The following ASB3 variants were observed in gnomAD, a reference collection of about 807,000 sequenced individuals.
The protein encoded by ASB3 is ankyrin repeat and SOCS box containing 3, also known as ankyrin repeat and SOCS box protein 3.
In ASB3, 41 loss-of-function variants were observed where a neutral mutation model predicts 54.5. The ratio of observed to expected loss-of-function variants is 0.75; its 90% CI spans 0.59 to 0.98. The LOEUF is 0.98. Ranked by LOEUF, ASB3 falls within the 50% of genes least tolerant of loss-of-function variation. ASB3 has a pLI of 0.00. For synonymous variants in ASB3, 266 were observed against 221.2 expected, an observed-to-expected ratio of 1.20 and a Z score of -1.80; for missense variants, 733 against 620.0, an observed-to-expected ratio of 1.18 and a Z score of -1.94.
intron 8 of ASB3, among the ~76,000 whole-genome samples, chr2:53,699,836 A>G (rs1669387325): frequency 6.6e-6 from 1 of 152,190 alleles, no homozygotes; most frequent in Admixed American, 6.6e-5. Context: ...AGTCTCAGAT[A>G]CTTCAGAAAT....
chr2:53,780,341 A>C (rs979904646), intron 1 of ASB3, among the ~76,000 whole-genome samples: 1 of 152,186 alleles, frequency 6.6e-6, no homozygotes, highest in Non-Finnish European at 1.5e-5. Flanking sequence ...CAAATGAGCG[A>C]ACTAATGTTA....
chr2:53,779,628 A>T (rs1345376810), intron 1 of ASB3, among the ~76,000 whole-genome samples: 3 of 151,896 alleles, frequency 2.0e-5, no homozygotes, highest in African/African-American at 7.3e-5. Flanking sequence ...GTAGAGATGG[A>T]GTTTCACCAT....
chr2:53,774,691 AAATT>A (rs1674211933), intron 1 of ASB3: 1 of 523,576 alleles, frequency 1.9e-6, no homozygotes. Flanking sequence ...AGTGAAAGAA[AAATT>A]CAAATTTTAA....
rs897359707 is a variant in ASB3 at position 53,758,314 on chromosome 2, G to A, written c.196+7063C>T. 7.8e-4 allele frequency among the ~76,000 whole-genome samples: 119 copies of A among 152,282 alleles called. 1 individual carries two copies. The highest frequency in any genetic ancestry group is 2.6e-3 in the African/African-American group (109 of 41,558). ...GGATCCATCTCTCAAATTTCATACC[G>A]GCAAGGACTTAATCCGGGGCAACAA... On this transcript the variant is annotated intron_variant, in intron 2 of 9. Transcript: ENST00000263634.
chr2:53,766,178 T>C (rs1408071515), intron 1 of ASB3, among the ~76,000 whole-genome samples: 1 of 152,172 alleles, frequency 6.6e-6, no homozygotes, highest in Non-Finnish European at 1.5e-5. Flanking sequence ...ATAGACCCAC[T>C]GACTGAGCAT....
At chr2:53,679,567 C>T (rs1018497245) in intron 9 of ASB3, among the ~76,000 whole-genome samples, 5 of 152,138 alleles carry the variant, frequency 3.3e-5, no homozygotes, top group African/African-American at 9.7e-5. Flanking sequence ...ACAAATTATC[C>T]CTTTTATCTC....
intron 7 of ASB3, among the ~76,000 whole-genome samples, chr2:53,711,127 C>T (rs902607731): frequency 1.3e-5 from 2 of 152,152 alleles, no homozygotes; most frequent in Admixed American, 1.3e-4. Flanking sequence ...GAGATCCTGT[C>T]TCAAAAACAA....
chr2:53,758,012 G>A (rs1231049422), intron 2 of ASB3, among the ~76,000 whole-genome samples: 2 of 151,982 alleles, frequency 1.3e-5, no homozygotes, highest in Non-Finnish European at 2.9e-5. Context: ...AGAAGAGACA[G>A]AGAGAGAGAG....
chr2:53,712,104 A>C (rs1670132335), intron 7 of ASB3, among the ~76,000 whole-genome samples: 1 of 152,146 alleles, frequency 6.6e-6, no homozygotes, highest in Admixed American at 6.5e-5. Flanking sequence ...AAAGAAAAAA[A>C]ATCATTTATA....
intron 7 of ASB3, among the ~76,000 whole-genome samples, chr2:53,708,181 G>T (rs887184225): frequency 2.6e-5 from 4 of 151,974 alleles, no homozygotes; most frequent in African/African-American, 9.7e-5. Context: ...CATCCCCCTC[G>T]GTAGTGTCCT....
At chr2:53,774,750 C>T (rs927201585) in intron 1 of ASB3, 9 of 378,576 alleles carry the variant, frequency 2.4e-5, no homozygotes, top group Non-Finnish European at 3.7e-5. Context: ...CACTTACTCA[C>T]TAGAAGTGAG....
chr2:53,713,594 A>G (rs1408234181), intron 7 of ASB3, among the ~76,000 whole-genome samples: 1 of 152,208 alleles, frequency 6.6e-6, no homozygotes, highest in Non-Finnish European at 1.5e-5. Context: ...GCGTTTAAAA[A>G]CTTAATTATT....
chr2:53,741,391 A>G (rs1671927221), intron 3 of ASB3, among the ~76,000 whole-genome samples: 1 of 152,264 alleles, frequency 6.6e-6, no homozygotes, highest in South Asian at 2.1e-4. Flanking sequence ...TCAGTCCTCA[A>G]CAAGGTAAGA....
chr2:53,785,529 C>G (rs376562075), intron 1 of ASB3, among the ~76,000 whole-genome samples: 92 of 152,254 alleles, frequency 6.0e-4, no homozygotes, highest in South Asian at 2.1e-3. Context: ...AGACAGAAAC[C>G]CATTTATTTG....
At chr2:53,712,492 TATTTAAGATCTTTCCC>T (rs1466113685) in intron 7 of ASB3, among the ~76,000 whole-genome samples, 1 of 152,214 alleles carries the variant, frequency 6.6e-6, no homozygotes, top group Non-Finnish European at 1.5e-5. Flanking sequence ...TCCAGAAACC[TATTTAAGATCTTTCCC>T]ACCTAATTTC....
chr2:53,684,803 A>G (rs186906375), intron 9 of ASB3, among the ~76,000 whole-genome samples: 1 of 152,348 alleles, frequency 6.6e-6, no homozygotes, highest in African/African-American at 2.4e-5. Context: ...TAGGAAACCT[A>G]ATGAGACCCT....
chr2:53,757,201 C>T (rs1372286911), intron 2 of ASB3, among the ~76,000 whole-genome samples: 2 of 152,226 alleles, frequency 1.3e-5, no homozygotes, highest in Admixed American at 1.3e-4. Context: ...AAATACCGGG[C>T]ACCTGTCAGC....
At chr2:53,681,956 G>A (rs1238710473) in intron 9 of ASB3, among the ~76,000 whole-genome samples, 3 of 151,844 alleles carry the variant, frequency 2.0e-5, no homozygotes, top group Non-Finnish European at 4.4e-5. Context: ...TCAGGAGTTC[G>A]AGACCAGCCT....
intron 5 of ASB3, among the ~76,000 whole-genome samples, chr2:53,718,714 G>A (rs952798936): frequency 1.4e-4 from 21 of 150,432 alleles, no homozygotes; most frequent in East Asian, 1.2e-3. Context: ...CAAATCTTTC[G>A]CCTTTTACGA....
Sources: gnomAD v4.1 joint callset for allele counts (sites outside exome capture counted in the v4.1 genomes callset) on GRCh38, gnomAD v4.1.1 for gene constraint, MANE v1.5 for transcripts, NCBI Gene and HGNC (gene_info 2026-07-23, HGNC 2026-07-21) for gene names.